Variants in NIBAN1 observed in about 807,000 individuals in gnomAD.
NIBAN1 encodes protein Niban 1.
NIBAN1 carries 81 observed loss-of-function variants against 75.1 expected under a neutral mutation model. The ratio of observed to expected loss-of-function variants is 1.08; its 90% CI spans 0.90 to 1.30. The LOEUF is 1.30. Ranked by LOEUF, NIBAN1 falls within the 50% of genes most tolerant of loss-of-function variation. NIBAN1 has a pLI of 0.00. For synonymous variants in NIBAN1, 436 were observed against 424.8 expected (o/e 1.03, Z -0.32); for missense variants, 1,133 against 1,128.1 (o/e 1.00, Z -0.06).
chr1:184,859,629 G>T (rs753243395), intron 5 of NIBAN1, among the ~76,000 whole-genome samples: 41 of 152,232 alleles, frequency 2.7e-4, no homozygotes, highest in Non-Finnish European at 4.6e-4. Flanking sequence ...GATTTCTGTT[G>T]TAAGAGTTCT....
chr1:184,947,746 C>G (rs1024636679), intron 1 of NIBAN1, among the ~76,000 whole-genome samples: 2 of 152,142 alleles, frequency 1.3e-5, no homozygotes, highest in South Asian at 4.1e-4. Flanking sequence ...AAGTGTGAGC[C>G]AAGGGGTGGT....
Position 184,805,816 on chromosome 1 carries a change from C to G in NIBAN1, c.1446+130G>C, listed in dbSNP as rs1571474938. The G allele has an allele frequency of 7.2e-6, 5 of 698,684 alleles. No individual in the cohort carries two copies. The East Asian group carries it at 1.4e-4, about 19-fold the overall frequency. 43.3% of individuals were successfully genotyped at this position (698,684 alleles called of 1,614,324 possible). ...AGAAACTGCAGCGGACTGACAGTCA[C>G]TGGACTTGGGAGAGAAAGGAGTGGG... is the stretch of plus-strand genomic sequence containing the variant. On this transcript the variant is annotated intron_variant, in intron 11 of 13. Coordinates refer to ENST00000367511, the MANE Select transcript of NIBAN1 (RefSeq NM_052966.4).
At chr1:184,872,622 G>T (rs1257993870) in intron 5 of NIBAN1, among the ~76,000 whole-genome samples, 1 of 151,960 alleles carries the variant, frequency 6.6e-6, no homozygotes, top group Non-Finnish European at 1.5e-5. Flanking sequence ...CAGGAGAATC[G>T]CTTGAACCCA....
At chr1:184,964,732 C>T (rs1658734950) in intron 1 of NIBAN1, among the ~76,000 whole-genome samples, 1 of 152,158 alleles carries the variant, frequency 6.6e-6, no homozygotes, top group Non-Finnish European at 1.5e-5. Context: ...GAGGTCTGTC[C>T]TGGCCAGTGT....
intron 4 of NIBAN1, among the ~76,000 whole-genome samples, chr1:184,886,543 A>T (rs1007510926): frequency 3.3e-5 from 5 of 152,148 alleles, no homozygotes; most frequent in African/African-American, 9.7e-5. Flanking sequence ...ATCAATTCCA[A>T]GCAACTCATT....
At chr1:184,896,976 T>A (rs541513618) in intron 2 of NIBAN1, among the ~76,000 whole-genome samples, 4 of 152,326 alleles carry the variant, frequency 2.6e-5, no homozygotes, top group South Asian at 2.1e-4. Flanking sequence ...TCAGGCAATG[T>A]GATGTCTCCA....
chr1:184,822,067 A>G (rs1311718177), intron 8 of NIBAN1, among the ~76,000 whole-genome samples: 1 of 152,188 alleles, frequency 6.6e-6, no homozygotes, highest in Non-Finnish European at 1.5e-5. Flanking sequence ...GTCACTGCTA[A>G]AGCTCCATTG....
intron 5 of NIBAN1, among the ~76,000 whole-genome samples, chr1:184,865,742 T>C (rs1655939904): frequency 6.6e-6 from 1 of 152,226 alleles, no homozygotes; most frequent in Non-Finnish European, 1.5e-5. Context: ...ACTGCTAAGA[T>C]TGATTTTCAT....
chr1:184,839,130 T>C (rs1655213474), intron 5 of NIBAN1, among the ~76,000 whole-genome samples: 1 of 152,062 alleles, frequency 6.6e-6, no homozygotes, highest in Admixed American at 6.5e-5. Flanking sequence ...CTATAATCCT[T>C]CCAACAATCC....
At chr1:184,857,418 GT>G (rs1300280924) in intron 5 of NIBAN1, among the ~76,000 whole-genome samples, 1 of 152,100 alleles carries the variant, frequency 6.6e-6, no homozygotes, top group African/African-American at 2.4e-5. Flanking sequence ...CAAAATGAAT[GT>G]TTTGGATCCC....
rs1448237393 is a variant in NIBAN1, at chr1:184,792,810, T to C, written c.*2167A>G. ...GTGACTCAAGGAGGCAGGAAGCCAT[T>C]ATTCAAGGCTGTGGGTTTCTAGCAG... On this transcript the variant is annotated 3_prime_UTR_variant, in exon 14 of 14. Coordinates refer to ENST00000367511, the MANE Select transcript of NIBAN1 (RefSeq NM_052966.4). 1 of 152,334 alleles carries C rather than the reference T, an allele frequency of 6.6e-6. No individual in the cohort carries two copies. The highest frequency in any genetic ancestry group is 1.5e-5 in the Non-Finnish European group (1 of 68,040). The allele number at this position is 152,334 out of a possible 1,614,324, so 9.4% of individuals were successfully genotyped here.
chr1:184,953,515 T>A (rs1443762250), intron 1 of NIBAN1, among the ~76,000 whole-genome samples: 2 of 152,240 alleles, frequency 1.3e-5, no homozygotes, highest in Non-Finnish European at 2.9e-5. Flanking sequence ...TGTATATTTC[T>A]CCTTAGAATG....
At chr1:184,843,428 G>A (rs955010108) in intron 5 of NIBAN1, among the ~76,000 whole-genome samples, 5 of 151,924 alleles carry the variant, frequency 3.3e-5, no homozygotes, top group Non-Finnish European at 7.4e-5. Flanking sequence ...TATGGATGGT[G>A]TCATCAGACA....
chr1:184,961,897 A>G (rs234095), intron 1 of NIBAN1, among the ~76,000 whole-genome samples: 121,305 of 152,162 alleles, frequency 0.8, 48,638 homozygotes, highest in Middle Eastern at 0.83. Flanking sequence ...AATACTATTT[A>G]CTGCTGCAGC....
chr1:184,932,902 G>T (rs1657861534), intron 1 of NIBAN1, among the ~76,000 whole-genome samples: 2 of 152,104 alleles, frequency 1.3e-5, no homozygotes, highest in South Asian at 2.1e-4. Context: ...GCCAAAGATT[G>T]CCTACAACCC....
Position 184,819,259 on chromosome 1 carries a change from C to T in NIBAN1, c.986-434G>A, listed in dbSNP as rs574728809. ...CTCAGTATAATTCCATCCTCCTCTC[C>T]CCACCAAAATACTTTTTAAGAACTC... On this transcript the variant is annotated intron_variant, in intron 8 of 13. Coordinates refer to ENST00000367511, the MANE Select transcript of NIBAN1 (RefSeq NM_052966.4). 7.2e-5 allele frequency among the ~76,000 whole-genome samples: 11 copies of T among 152,152 alleles called. No homozygotes were observed. The South Asian group carries it at 1.7e-3, about 23-fold the overall frequency.
At chr1:184,901,582 G>A (rs1015042878) in intron 1 of NIBAN1, among the ~76,000 whole-genome samples, 2 of 152,130 alleles carry the variant, frequency 1.3e-5, no homozygotes, top group Non-Finnish European at 2.9e-5. Flanking sequence ...GGTCCAAGTA[G>A]CCACTGTTTG....
chr1:184,923,821 A>C (rs1046870911), intron 1 of NIBAN1, among the ~76,000 whole-genome samples: 8 of 152,178 alleles, frequency 5.3e-5, no homozygotes, highest in Non-Finnish European at 1.2e-4. Context: ...TAATTTTATT[A>C]GCATCTATTA....
In NIBAN1 at chr1:184,904,529, C is replaced by T. The variant is rs191595294; in HGVS notation, c.56-5220G>A. On this transcript the variant is annotated intron_variant, in intron 1 of 13. Transcript: ENST00000367511. ...AAACTCAGCATTCATTTGACTCCTT[C>T]TCTCCCATTCCCAGATCCAATCATC... Among the ~76,000 whole-genome samples, 8 of 152,322 alleles carry T rather than the reference C, an allele frequency of 5.3e-5. No homozygotes were observed. The East Asian group carries it at 1.5e-3, about 29-fold the overall frequency.
Sources: allele counts gnomAD v4.1 joint callset (sites outside exome capture counted in the v4.1 genomes callset), GRCh38; gene constraint gnomAD v4.1.1; transcripts MANE v1.5; gene names NCBI Gene and HGNC (gene_info 2026-07-23, HGNC 2026-07-21).